Variants in STAU2 observed in about 807,000 individuals in gnomAD.
STAU2 encodes double-stranded RNA-binding protein Staufen homolog 2.
A neutral mutation model predicts 65.9 loss-of-function variants in STAU2; 20 were observed. The observed-to-expected ratio is 0.30, with a 90% CI of 0.21 to 0.44. The LOEUF (loss-of-function observed/expected upper bound fraction) is 0.44. STAU2 is among the 20% of genes least tolerant of loss of function. The pLI, the probability that STAU2 is intolerant of heterozygous loss-of-function variation, is 1.00. For missense variants in STAU2, 558 were observed against 683.9 expected, an observed-to-expected ratio of 0.82 and a Z score of 2.05; for synonymous variants, 232 against 233.9, an observed-to-expected ratio of 0.99 and a Z score of 0.07.
At chr8:73,523,560 T>G (rs924456487) in intron 13 of STAU2, among the ~76,000 whole-genome samples, 1 of 152,020 alleles carries the variant, frequency 6.6e-6, no homozygotes, top group Non-Finnish European at 1.5e-5. Context: ...CTCCCAAAAC[T>G]CCCTCATGAT....
At chr8:73,668,384 G>A (rs1817393508) in intron 6 of STAU2, among the ~76,000 whole-genome samples, 1 of 150,680 alleles carries the variant, frequency 6.6e-6, no homozygotes, top group African/African-American at 2.4e-5. Context: ...ACATAACCTA[G>A]TTTGAGTTTT....
chr8:73,503,852 C>T (rs754880004), intron 13 of STAU2, among the ~76,000 whole-genome samples: 3 of 152,058 alleles, frequency 2.0e-5, no homozygotes, highest in Non-Finnish European at 2.9e-5. Context: ...TCCAGGGAAA[C>T]TCTATTTCTC....
intron 3 of STAU2, among the ~76,000 whole-genome samples, chr8:73,715,951 G>A (rs988328305): frequency 6.6e-6 from 1 of 151,990 alleles, no homozygotes; most frequent in Admixed American, 6.6e-5. Context: ...GTCTCACTCT[G>A]TCACCCAGGC....
At chr8:73,498,529 CAT>C (rs1442059186) in intron 13 of STAU2, among the ~76,000 whole-genome samples, 1 of 151,582 alleles carries the variant, frequency 6.6e-6, no homozygotes, top group Non-Finnish European at 1.5e-5. Context: ...CTTGGGGTGA[CAT>C]AAAAACTCAA....
At chr8:73,475,229 C>T (rs1820254612) in intron 13 of STAU2, among the ~76,000 whole-genome samples, 1 of 152,122 alleles carries the variant, frequency 6.6e-6, no homozygotes, top group South Asian at 2.1e-4. Flanking sequence ...ATTAAATGTA[C>T]ACTGATGTAC....
chr8:73,654,875 C>T (rs1282536229), intron 6 of STAU2, among the ~76,000 whole-genome samples: 7 of 151,526 alleles, frequency 4.6e-5, no homozygotes, highest in African/African-American at 9.7e-5. Context: ...TTAGTAGAGA[C>T]GGGGTTTCAC....
At chr8:73,608,760 G>A (rs1812222134) in intron 9 of STAU2, among the ~76,000 whole-genome samples, 1 of 152,188 alleles carries the variant, frequency 6.6e-6, no homozygotes, top group African/African-American at 2.4e-5. Flanking sequence ...GGGAGGCTGA[G>A]GTGGGTGGAT....
intron 9 of STAU2, among the ~76,000 whole-genome samples, chr8:73,605,342 T>G (rs1344144798): frequency 4.4e-5 from 6 of 136,532 alleles, no homozygotes; most frequent in African/African-American, 1.7e-4. Context: ...AGAGTCTCAC[T>G]CTGTTGCCCA....
chr8:73,665,477 G>A (rs941715626), intron 6 of STAU2, among the ~76,000 whole-genome samples: 5 of 152,130 alleles, frequency 3.3e-5, no homozygotes, highest in Non-Finnish European at 7.4e-5. Context: ...ATTTAATGTT[G>A]TATACTTGGA....
At position 73,686,569 on chromosome 8, in the gene STAU2, G is replaced by A. The variant is rs1032540883; in HGVS notation, c.274+2085C>T. On this transcript the variant is annotated intron_variant, in intron 5 of 14. Transcript: ENST00000524300. Reference sequence around the variant, plus strand: ...CCCTCAAAAAAAAAAAAAAACAATGGATTTTGGGGATCTGGGAGAAGGTTG... The same window carrying A: ...CCCTCAAAAAAAAAAAAAAACAATGAATTTTGGGGATCTGGGAGAAGGTTG... Among the ~76,000 whole-genome samples, 26 of 150,644 alleles carry A rather than the reference G, an allele frequency of 1.7e-4. No homozygotes were observed. In the South Asian group the frequency reaches 2.3e-3, roughly 13 times the overall value.
chr8:73,481,505 AAAC>A (rs1442917996), intron 13 of STAU2, among the ~76,000 whole-genome samples: 3 of 76,488 alleles, frequency 3.9e-5, no homozygotes, highest in Admixed American at 1.7e-4. Flanking sequence ...TAAGCCAAAA[AAAC>A]AAAAAAACAA....
chr8:73,665,237 A>G (rs1817146294), intron 6 of STAU2, among the ~76,000 whole-genome samples: 1 of 152,198 alleles, frequency 6.6e-6, no homozygotes, highest in Admixed American at 6.5e-5. Context: ...TTAAAAAGTT[A>G]CCTTGCTGCC....
At chr8:73,559,517 G>A (rs192753407) in intron 12 of STAU2, among the ~76,000 whole-genome samples, 12 of 152,332 alleles carry the variant, frequency 7.9e-5, no homozygotes, top group Admixed American at 5.9e-4. Flanking sequence ...GAAAGCAAGG[G>A]AGATCCTGAT....
At chr8:73,481,528 AC>A (rs1820633485) in intron 13 of STAU2, among the ~76,000 whole-genome samples, 1 of 145,356 alleles carries the variant, frequency 6.9e-6, no homozygotes, top group African/African-American at 2.5e-5. Context: ...AAAAAAAAAA[AC>A]ACTTTTTTTG....
intron 13 of STAU2, among the ~76,000 whole-genome samples, chr8:73,473,861 A>C (rs1007247256): frequency 6.6e-6 from 1 of 152,228 alleles, no homozygotes; most frequent in Non-Finnish European, 1.5e-5. Flanking sequence ...AAGCGGGAGG[A>C]GTGAAGAGGA....
chr8:73,433,495 C>T (rs933967858), intron 13 of STAU2, among the ~76,000 whole-genome samples: 6 of 141,202 alleles, frequency 4.2e-5, no homozygotes, highest in Non-Finnish European at 6.0e-5. Flanking sequence ...TGAGCCATCA[C>T]GCCCCGCCTT....
intron 5 of STAU2, among the ~76,000 whole-genome samples, chr8:73,677,305 T>G (rs2130440711): frequency 6.6e-6 from 1 of 152,280 alleles, no homozygotes; most frequent in South Asian, 2.1e-4. Flanking sequence ...CATTATGTAT[T>G]AATACCAAAT....
chr8:73,613,977 A>G (rs370102784), intron 8 of STAU2, 21 bp from the exon 9 acceptor site: 1 of 1,548,376 alleles, frequency 6.5e-7, no homozygotes, highest in African/African-American at 1.4e-5. Flanking sequence ...CAAGTAAAAT[A>G]TTAAATAATG....
chr8:73,691,558 G>A (rs1264362657), intron 4 of STAU2, among the ~76,000 whole-genome samples: 1 of 151,802 alleles, frequency 6.6e-6, no homozygotes. Flanking sequence ...CAACTTAAAT[G>A]TTTTTCAGAC....
Sources: gnomAD v4.1 joint callset for allele counts (sites outside exome capture counted in the v4.1 genomes callset) on GRCh38, gnomAD v4.1.1 for gene constraint, MANE v1.5 for transcripts, NCBI Gene and HGNC (gene_info 2026-07-23, HGNC 2026-07-21) for gene names.